PTPRM: variants seen among roughly 807,000 people sequenced by gnomAD.
PTPRM encodes the protein protein tyrosine phosphatase receptor type M.
PTPRM carries 47 observed loss-of-function variants against 186.7 expected under a neutral mutation model. The ratio of observed to expected loss-of-function variants is 0.25; its 90% CI spans 0.20 to 0.32. PTPRM has a LOEUF of 0.32. PTPRM is among the 10% of genes least tolerant of loss of function. The pLI, the probability that PTPRM is intolerant of heterozygous loss-of-function variation, is 1.00. For missense variants in PTPRM, 1,494 were observed against 1,865.0 expected, an observed-to-expected ratio of 0.80 and a Z score of 3.66; for synonymous variants, 668 against 674.9, an observed-to-expected ratio of 0.99 and a Z score of 0.16.
chr18:7,926,357 CT>C (rs1248729974), intron 4 of PTPRM, among the ~76,000 whole-genome samples: 1 of 152,068 alleles, frequency 6.6e-6, no homozygotes, highest in Non-Finnish European at 1.5e-5. Context: ...GAATGCTTGG[CT>C]TTTTGTTATT....
At chr18:8,213,843 C>T (rs983260568) in intron 14 of PTPRM, among the ~76,000 whole-genome samples, 2 of 152,118 alleles carry the variant, frequency 1.3e-5, no homozygotes, top group Admixed American at 6.5e-5. Flanking sequence ...TGCAAAGATA[C>T]GGAATCAGCC....
chr18:7,835,574 G>A (rs2046002812), intron 2 of PTPRM, among the ~76,000 whole-genome samples: 1 of 152,118 alleles, frequency 6.6e-6, no homozygotes, highest in Non-Finnish European at 1.5e-5. Flanking sequence ...GAAATGTTCT[G>A]TAAATATCTA....
chr18:8,069,937 A>G lies in PTPRM; in HGVS notation c.1384A>G (p.Met462Val), dbSNP rs2089356951. 6.8e-6 allele frequency: 11 copies of G among 1,613,870 alleles called. No homozygotes were observed. The highest frequency in any genetic ancestry group is 9.3e-6 in the Non-Finnish European group (11 of 1,179,766). The change falls in exon 8 of 33, where the codon ATG becomes GTG. Residue 462 changes from methionine (M) to valine (V), a missense_variant. Transcript: ENST00000580170. ...YTNVSVKLIL[M>V]NPEGRKESQE... ...CAATGTCAGTGTGAAACTGATCCTC[A>G]TGAACCCAGAGGGCCGGAAGGAAAG...
chr18:8,057,425 C>CTTTTTTTTTTTTTTTTTTTTTTAGTTTTT (rs2088081647), intron 7 of PTPRM, among the ~76,000 whole-genome samples: 2 of 102,538 alleles, frequency 2.0e-5, no homozygotes, highest in Non-Finnish European at 1.9e-5. Context: ...TGTGATACTT[C>CTTTTTTTTTTTTTTTTTTTTTTAGTTTTT]TTTTTTTTTT....
chr18:7,784,495 C>T (rs183737950), intron 2 of PTPRM, among the ~76,000 whole-genome samples: 16 of 152,290 alleles, frequency 1.1e-4, no homozygotes, highest in Admixed American at 2.0e-4. Context: ...TACCCACCAT[C>T]GTCACTCAAC....
At chr18:7,792,727 C>T (rs1251655418) in intron 2 of PTPRM, among the ~76,000 whole-genome samples, 5 of 152,002 alleles carry the variant, frequency 3.3e-5, no homozygotes, top group African/African-American at 1.2e-4. Context: ...TGCAGTGGTG[C>T]GATCACGGCT....
chr18:7,835,860 G>GTT (rs531728833), intron 2 of PTPRM, among the ~76,000 whole-genome samples: 114 of 144,836 alleles, frequency 7.9e-4, no homozygotes, highest in African/African-American at 2.6e-3. Flanking sequence ...GTTTTGTTTT[G>GTT]TTTTGTTTTG....
intron 2 of PTPRM, among the ~76,000 whole-genome samples, chr18:7,872,773 TC>T (rs1317161280): frequency 1.3e-5 from 2 of 152,224 alleles, no homozygotes. Flanking sequence ...CTTCTGACCT[TC>T]AGACCATTTT....
intron 1 of PTPRM, among the ~76,000 whole-genome samples, chr18:7,650,443 A>AG (rs2038670215): frequency 9.5e-6 from 1 of 105,012 alleles, no homozygotes; most frequent in Non-Finnish European, 1.8e-5. Flanking sequence ...CAACTTTCAA[A>AG]TCCCCCCCCC....
At chr18:8,372,057 T>TCACTGCATCTAAA in intron 24 of PTPRM, among the ~76,000 whole-genome samples, 1 of 42,986 alleles carries the variant, frequency 2.3e-5, no homozygotes, top group Admixed American at 1.8e-4. Context: ...CTCTATATTC[T>TCACTGCATCTAAA]TTTTTTTTTT....
At chr18:7,848,319 A>G (rs746418648) in intron 2 of PTPRM, among the ~76,000 whole-genome samples, 15 of 152,228 alleles carry the variant, frequency 9.9e-5, no homozygotes, top group Non-Finnish European at 2.1e-4. Context: ...AGTCAAATAA[A>G]ACAGTATGAA....
intron 7 of PTPRM, among the ~76,000 whole-genome samples, chr18:7,961,960 A>G (rs1357422728): frequency 6.6e-6 from 1 of 151,266 alleles, no homozygotes; most frequent in Non-Finnish European, 1.5e-5. Context: ...ATTTTGTTGT[A>G]CTTAGATGCT....
intron 1 of PTPRM, among the ~76,000 whole-genome samples, chr18:7,740,847 G>C (rs979987698): frequency 6.6e-6 from 1 of 152,186 alleles, no homozygotes; most frequent in African/African-American, 2.4e-5. Context: ...TAAGCTATAC[G>C]GTATGGGTTA....
intron 2 of PTPRM, among the ~76,000 whole-genome samples, chr18:7,834,125 A>G (rs1451704283): frequency 1.3e-5 from 2 of 152,054 alleles, no homozygotes; most frequent in Non-Finnish European, 2.9e-5. Flanking sequence ...AGATTTTTCT[A>G]TGATTTTTAT....
chr18:8,127,394 C>T (rs563434523), intron 13 of PTPRM, among the ~76,000 whole-genome samples: 16 of 149,576 alleles, frequency 1.1e-4, no homozygotes, highest in African/African-American at 2.7e-4. Context: ...GGCACATGAA[C>T]GGCACTCAGA....
At chr18:7,760,656 C>T (rs1176864089) in intron 1 of PTPRM, among the ~76,000 whole-genome samples, 2 of 152,044 alleles carry the variant, frequency 1.3e-5, no homozygotes, top group East Asian at 3.8e-4. Context: ...GTAAGTGCGT[C>T]CCAGGTAGCT....
chr18:8,042,025 T>G (rs1676735324), intron 7 of PTPRM, among the ~76,000 whole-genome samples: 1 of 152,224 alleles, frequency 6.6e-6, no homozygotes, highest in African/African-American at 2.4e-5. Flanking sequence ...ACTGAATAGC[T>G]AGGTATGTCA....
chr18:7,683,288 G>A (rs549647550), intron 1 of PTPRM, among the ~76,000 whole-genome samples: 1 of 150,752 alleles, frequency 6.6e-6, no homozygotes, highest in South Asian at 2.1e-4. Context: ...TCCCTCCTCA[G>A]CCTCTCGAGT....
intron 7 of PTPRM, among the ~76,000 whole-genome samples, chr18:7,990,856 G>T (rs2083231723): frequency 1.3e-5 from 2 of 152,172 alleles, no homozygotes; most frequent in South Asian, 4.1e-4. Context: ...TGGGTGGATT[G>T]CAGGAAGCTT....
Sources: allele counts gnomAD v4.1 joint callset (sites outside exome capture counted in the v4.1 genomes callset), GRCh38; gene constraint gnomAD v4.1.1; transcripts MANE v1.5; gene names NCBI Gene and HGNC (gene_info 2026-07-23, HGNC 2026-07-21).